The following DNAJC24 variants were observed in gnomAD, a reference collection of about 807,000 sequenced individuals.
The protein encoded by DNAJC24 is DnaJ heat shock protein family (Hsp40) member C24.
Under a neutral mutation model 18.0 loss-of-function variants are expected in DNAJC24, and 17 were observed. The observed-to-expected ratio is 0.94, with a 90% CI of 0.65 to 1.42. The LOEUF is 1.42. Among genes scored for constraint, DNAJC24 ranks in the 40% most tolerant of loss-of-function variants. DNAJC24 has a pLI of 0.00. For synonymous variants in DNAJC24, 55 were observed against 57.7 expected, an observed-to-expected ratio of 0.95 and a Z score of 0.21; for missense variants, 158 against 175.6, an observed-to-expected ratio of 0.90 and a Z score of 0.57.
At chr11:31,376,132 G>A (rs1445489689) in intron 2 of DNAJC24, among the ~76,000 whole-genome samples, 1 of 152,234 alleles carries the variant, frequency 6.6e-6, no homozygotes. Flanking sequence ...TTTTATAAGG[G>A]GTTTCCCCTT....
intron 2 of DNAJC24, among the ~76,000 whole-genome samples, chr11:31,390,840 A>C (rs957310991): frequency 1.3e-5 from 2 of 152,224 alleles, no homozygotes; most frequent in African/African-American, 4.8e-5. Context: ...ATAGAGGAAG[A>C]GAAAATACTT....
At chr11:31,390,760 A>G (rs1457401199) in intron 2 of DNAJC24, among the ~76,000 whole-genome samples, 6 of 151,952 alleles carry the variant, frequency 3.9e-5, no homozygotes, top group South Asian at 2.1e-4. Context: ...CCAGCACCCA[A>G]TGGATTCACT....
At chr11:31,397,851 T>A in intron 2 of DNAJC24, among the ~76,000 whole-genome samples, 1 of 151,800 alleles carries the variant, frequency 6.6e-6, no homozygotes, top group Non-Finnish European at 1.5e-5. Context: ...CTTGCTCTGT[T>A]GCCCAGGCTG....
intron 4 of DNAJC24, among the ~76,000 whole-genome samples, chr11:31,428,316 A>G (rs1036981553): frequency 1.3e-5 from 2 of 152,196 alleles, no homozygotes; most frequent in Admixed American, 1.3e-4. Flanking sequence ...TTTCATAACT[A>G]AAGATGGAAA....
chr11:31,377,202 T>C (rs1382143301), intron 2 of DNAJC24, among the ~76,000 whole-genome samples: 2 of 152,110 alleles, frequency 1.3e-5, no homozygotes, highest in Non-Finnish European at 2.9e-5. Context: ...CCTGCACAAT[T>C]AGGTGTTTAG....
At chr11:31,424,997 A>G (rs962805263) in intron 3 of DNAJC24, among the ~76,000 whole-genome samples, 28 of 149,904 alleles carry the variant, frequency 1.9e-4, no homozygotes, top group African/African-American at 6.9e-4. Context: ...TCTTTTTTTT[A>G]TTCTAGAAGA....
At chr11:31,410,521 G>T (rs1952698568) in intron 2 of DNAJC24, among the ~76,000 whole-genome samples, 1 of 152,154 alleles carries the variant, frequency 6.6e-6, no homozygotes, top group African/African-American at 2.4e-5. Context: ...ATGAGCAGAA[G>T]GTTTTAAAAT....
chr11:31,393,978 G>T (rs1034330104), intron 2 of DNAJC24, among the ~76,000 whole-genome samples: 4 of 152,056 alleles, frequency 2.6e-5, no homozygotes, highest in Admixed American at 1.3e-4. Flanking sequence ...ATCAATAAAA[G>T]ACCTTGTTTT....
chr11:31,385,055 A>C (rs979244077), intron 2 of DNAJC24: 2 of 152,242 alleles, frequency 1.3e-5, no homozygotes, highest in Non-Finnish European at 2.9e-5. Context: ...AGACATGATT[A>C]CTTCACAATC....
chr11:31,382,147 A>C (rs1398681963), intron 2 of DNAJC24, among the ~76,000 whole-genome samples: 1 of 152,164 alleles, frequency 6.6e-6, no homozygotes, highest in African/African-American at 2.4e-5. Context: ...TGATGTAATA[A>C]ATATTATGTA....
At chr11:31,425,460 T>A (rs1952852202) in intron 3 of DNAJC24, among the ~76,000 whole-genome samples, 1 of 152,184 alleles carries the variant, frequency 6.6e-6, no homozygotes, top group Non-Finnish European at 1.5e-5. Context: ...ATGTATTTCT[T>A]ACAGTTCTGG....
At chr11:31,375,212 T>A (rs1952301655) in intron 2 of DNAJC24, among the ~76,000 whole-genome samples, 1 of 135,206 alleles carries the variant, frequency 7.4e-6, no homozygotes, top group Non-Finnish European at 1.7e-5. Context: ...AGCCCTGAAC[T>A]ATTTTCTTTT....
intron 2 of DNAJC24, chr11:31,396,215 T>C (rs1391434544): frequency 4.6e-6 from 2 of 435,030 alleles, no homozygotes; most frequent in African/African-American, 2.0e-5. Context: ...TCTTCCTCTC[T>C]GGGCAGGAGC....
At chr11:31,383,638 A>T (rs1952400449) in intron 2 of DNAJC24, among the ~76,000 whole-genome samples, 1 of 152,174 alleles carries the variant, frequency 6.6e-6, no homozygotes, top group African/African-American at 2.4e-5. Context: ...TAGTGCTATT[A>T]CCAGTTACAG....
chr11:31,378,335 G>A (rs563561101), intron 2 of DNAJC24, among the ~76,000 whole-genome samples: 3 of 151,728 alleles, frequency 2.0e-5, no homozygotes, highest in South Asian at 2.1e-4. Context: ...TGCATGATAC[G>A]TAACAATAAA....
rs748168176 is a variant in DNAJC24, at chr11:31,370,952, C to A, written c.111+93C>A. 2.5e-5 allele frequency: 17 copies of A among 683,840 alleles called. 1 individual carries two copies. Among genetic ancestry groups the A allele is most frequent in the Admixed American group, 6.1e-5 (2 of 32,744 alleles). 42.4% of individuals were successfully genotyped at this position (683,840 alleles called of 1,614,324 possible). A position where few individuals can be genotyped will look rare whatever the true frequency, so the allele number is the denominator to read the frequency against. ...TTTAGGTTTCCAGAAAATAGGATAC[C>A]AGTGGCAGGAATCCAGGTATTAATT... On this transcript the variant is annotated intron_variant, in intron 2 of 4. Coordinates refer to ENST00000465995, the MANE Select transcript of DNAJC24 (RefSeq NM_181706.5).
At chr11:31,395,369 GTCTT>G (rs1952534884) in intron 2 of DNAJC24, among the ~76,000 whole-genome samples, 1 of 152,064 alleles carries the variant, frequency 6.6e-6, no homozygotes, top group African/African-American at 2.4e-5. Flanking sequence ...TGTCCTATGT[GTCTT>G]TGTGGTGTAA....
At chr11:31,371,796 A>G (rs1952263714) in intron 2 of DNAJC24, among the ~76,000 whole-genome samples, 1 of 146,554 alleles carries the variant, frequency 6.8e-6, no homozygotes, top group African/African-American at 2.5e-5. Flanking sequence ...GACCATTTAT[A>G]CACTAATTAT....
At position 31,397,301 on chromosome 11, in the gene DNAJC24, G is replaced by A. The variant is rs773599648; in HGVS notation, c.112-17510G>A. On this transcript the variant is annotated intron_variant, in intron 2 of 4. Coordinates refer to ENST00000465995, the MANE Select transcript of DNAJC24 (RefSeq NM_181706.5). ...CATTTTTACGATGCCAGTTTTACAC[G>A]TGGGTTATATTTTCTCTGAAGCACA... 2.0e-5 allele frequency among the ~76,000 whole-genome samples: 3 copies of A among 152,086 alleles called. No individual in the cohort carries two copies. The East Asian group carries it at 5.8e-4, about 29-fold the overall frequency.
Sources: allele counts gnomAD v4.1 joint callset (sites outside exome capture counted in the v4.1 genomes callset), GRCh38; gene constraint gnomAD v4.1.1; transcripts MANE v1.5; gene names NCBI Gene and HGNC (gene_info 2026-07-23, HGNC 2026-07-21).